REEP3: variants seen among roughly 807,000 people sequenced by gnomAD.
REEP3 encodes receptor accessory protein 3, also known as receptor expression-enhancing protein 3.
REEP3 carries 20 observed loss-of-function variants against 41.3 expected under a neutral mutation model. That is an observed-to-expected ratio of 0.48 (90% CI 0.34 to 0.70). The LOEUF is 0.70. REEP3 is among the 30% of genes least tolerant of loss of function. The pLI, the probability that REEP3 is intolerant of heterozygous loss-of-function variation, is 0.01. For missense variants in REEP3, 271 were observed against 308.8 expected (o/e 0.88, Z 0.92); for synonymous variants, 104 against 101.8 (o/e 1.02, Z -0.13).
chr10:63,594,817 A>G lies in REEP3; in HGVS notation c.145A>G (p.Thr49Ala). 1 of 1,612,652 alleles carries G rather than the reference A, an allele frequency of 6.2e-7. No individual in the cohort carries two copies. The highest frequency in any genetic ancestry group is 8.5e-7 in the Non-Finnish European group (1 of 1,178,750). The part of the protein sequence containing the change: ...MMYWIVFALY[T>A]VIETVADQTV... The stretch of plus-strand genomic sequence containing the variant: ...GTACTGGATTGTTTTTGCTCTCTAT[A>G]CTGTGATTGAAACAGTAGCCGATCA... The change falls in exon 3 of 8, where the codon ACT becomes GCT. Residue 49 changes from threonine to alanine, a missense_variant. By Grantham distance (58) the Thr-to-Ala change is moderately conservative. Transcript: ENST00000373758.
chr10:63,575,944 G>T (rs1257273784), intron 2 of REEP3, among the ~76,000 whole-genome samples: 1 of 152,164 alleles, frequency 6.6e-6, no homozygotes, highest in Non-Finnish European at 1.5e-5. Flanking sequence ...TGTTGGTCAG[G>T]CTGGTCTTGA....
chr10:63,586,987 T>G (rs1411035987), intron 2 of REEP3, among the ~76,000 whole-genome samples: 1 of 150,832 alleles, frequency 6.6e-6, no homozygotes, highest in Non-Finnish European at 1.5e-5. Flanking sequence ...TATGCATGTT[T>G]TTTTTTTTTT....
chr10:63,578,195 G>A (rs1955914467), intron 2 of REEP3, among the ~76,000 whole-genome samples: 1 of 152,154 alleles, frequency 6.6e-6, no homozygotes, highest in Non-Finnish European at 1.5e-5. Flanking sequence ...CACCTCGCAG[G>A]TTCAAGCGAT....
chr10:63,605,446 CTATTCTTTACTGAA>C (rs1332736963), intron 5 of REEP3, among the ~76,000 whole-genome samples: 3 of 152,114 alleles, frequency 2.0e-5, no homozygotes, highest in African/African-American at 7.2e-5. Flanking sequence ...AGCTTAGTGG[CTATTCTTTACTGAA>C]TAGTATAATA....
intron 2 of REEP3, among the ~76,000 whole-genome samples, chr10:63,578,394 AC>A (rs1368162655): frequency 6.6e-6 from 1 of 152,038 alleles, no homozygotes; most frequent in Non-Finnish European, 1.5e-5. Flanking sequence ...CACAGCGCCC[AC>A]CCGATTTACT....
intron 2 of REEP3, among the ~76,000 whole-genome samples, chr10:63,590,643 T>C (rs1956053075): frequency 2.0e-5 from 3 of 152,206 alleles, no homozygotes; most frequent in Admixed American, 1.3e-4. Flanking sequence ...TTTCTGAAAA[T>C]GAACTGTCAT....
chr10:63,529,314 T>TA (rs1390083822), intron 1 of REEP3, among the ~76,000 whole-genome samples: 18 of 152,334 alleles, frequency 1.2e-4, no homozygotes, highest in African/African-American at 4.1e-4. Flanking sequence ...GTACTGTTAC[T>TA]AAAAACAATC....
At chr10:63,545,603 G>A (rs1037022138) in intron 1 of REEP3, among the ~76,000 whole-genome samples, 42 of 150,424 alleles carry the variant, frequency 2.8e-4, no homozygotes, top group African/African-American at 9.8e-4. Flanking sequence ...TCGATCTCTT[G>A]ACCTCGTGAT....
chr10:63,539,015 C>A (rs1332156735), intron 1 of REEP3, among the ~76,000 whole-genome samples: 3 of 152,150 alleles, frequency 2.0e-5, no homozygotes, highest in Non-Finnish European at 4.4e-5. Flanking sequence ...CAGATCTGTT[C>A]ACAAAGATTT....
At chr10:63,535,734 G>A (rs1377016074) in intron 1 of REEP3, among the ~76,000 whole-genome samples, 2 of 151,954 alleles carry the variant, frequency 1.3e-5, no homozygotes, top group Non-Finnish European at 2.9e-5. Context: ...AAATCAATGG[G>A]AAAGTATACC....
chr10:63,542,052 G>C (rs919705063), intron 1 of REEP3, among the ~76,000 whole-genome samples: 2 of 151,122 alleles, frequency 1.3e-5, no homozygotes, highest in African/African-American at 2.4e-5. Flanking sequence ...GTTGGTATAA[G>C]TGACATCACT....
intron 6 of REEP3, among the ~76,000 whole-genome samples, chr10:63,612,893 G>T (rs974090301): frequency 1.3e-5 from 2 of 152,032 alleles, no homozygotes; most frequent in Non-Finnish European, 2.9e-5. Flanking sequence ...TCCTTTATTA[G>T]CAGTTTATTC....
chr10:63,610,105 A>T (rs1325435897), intron 5 of REEP3, 82 bp from the exon 6 acceptor site: 2 of 1,202,998 alleles, frequency 1.7e-6, no homozygotes, highest in Non-Finnish European at 2.3e-6. Context: ...TTCTGAAGTT[A>T]TCTTAATAAA....
rs751812379 is a variant in REEP3 at position 63,624,303 on chromosome 10, G to A, written c.*3434G>A. The A allele has an allele frequency of 2.6e-5, 4 of 151,946 alleles. No homozygotes were observed. The highest frequency in any genetic ancestry group is 5.9e-5 in the Non-Finnish European group (4 of 67,928). The allele number at this position is 151,946 out of a possible 1,614,324, so 9.4% of individuals were successfully genotyped here. On this transcript the variant is annotated 3_prime_UTR_variant, in exon 8 of 8. Transcript: ENST00000373758. ...TAAATTTTTCAGAAAGAAAATTATA[G>A]CTTTTTTCCCAAAATATTTTTAAGA... is the stretch of plus-strand genomic sequence containing the variant.
In REEP3 at chr10:63,611,785, AT is replaced by A. The variant is rs1302598086; in HGVS notation, c.565+1465del. Among the ~76,000 whole-genome samples, 1,380 of 146,070 alleles carry A rather than the reference AT, an allele frequency of 9.4e-3. 15 individuals carry two copies. Among genetic ancestry groups the A allele is most frequent in the African/African-American group, 0.029 (1,159 of 40,018 alleles). On this transcript the variant is annotated intron_variant, in intron 6 of 7. Coordinates refer to ENST00000373758, the MANE Select transcript of REEP3 (RefSeq NM_001001330.3). ...AGGAAAAATATCTCTGCAAAAAAAA[AT>A]TTTTTTTTTTTTTATTAGCTGAGTA...
At chr10:63,599,325 T>G (rs1407549597) in intron 5 of REEP3, 42 bp downstream of exon 5, 3 of 884,624 alleles carry the variant, frequency 3.4e-6, no homozygotes, top group Non-Finnish European at 5.0e-6. Context: ...TCATATTAAG[T>G]CAACAAATAA....
At chr10:63,541,915 T>C (rs1955531755) in intron 1 of REEP3, among the ~76,000 whole-genome samples, 1 of 152,210 alleles carries the variant, frequency 6.6e-6, no homozygotes, top group Admixed American at 6.5e-5. Flanking sequence ...GAATTCACAT[T>C]TTTCCATTTT....
intron 1 of REEP3, among the ~76,000 whole-genome samples, chr10:63,527,928 T>A (rs147315813): frequency 1.3e-5 from 2 of 148,740 alleles, no homozygotes; most frequent in Non-Finnish European, 3.0e-5. Flanking sequence ...CTTCACTTGG[T>A]TTCCAAGAAA....
chr10:63,558,837 T>TGAATTAGAATAAATTA (rs1162141116), intron 1 of REEP3, among the ~76,000 whole-genome samples: 2 of 152,162 alleles, frequency 1.3e-5, no homozygotes, highest in Non-Finnish European at 2.9e-5. Context: ...GTGTGAATTG[T>TGAATTAGAATAAATTA]GACTAATTTA....
Sources: allele counts gnomAD v4.1 joint callset (sites outside exome capture counted in the v4.1 genomes callset), GRCh38; gene constraint gnomAD v4.1.1; transcripts MANE v1.5; gene names NCBI Gene and HGNC (gene_info 2026-07-23, HGNC 2026-07-21).